Variants in FBXL20 observed in about 807,000 individuals in gnomAD.
FBXL20 encodes F-box/LRR-repeat protein 20.
In FBXL20, 11 loss-of-function variants were observed where a neutral mutation model predicts 64.0. The observed-to-expected ratio is 0.17, with a 90% CI of 0.11 to 0.28. The LOEUF is 0.28. Ranked by LOEUF, FBXL20 falls within the 10% of genes least tolerant of loss-of-function variation. The pLI, the probability that FBXL20 is intolerant of heterozygous loss-of-function variation, is 1.00. For missense variants in FBXL20, 303 were observed against 526.2 expected, an observed-to-expected ratio of 0.58 and a Z score of 4.15; for synonymous variants, 184 against 189.0, an observed-to-expected ratio of 0.97 and a Z score of 0.22.
intron 1 of FBXL20, among the ~76,000 whole-genome samples, chr17:39,384,449 C>T (rs1322129193): frequency 1.3e-5 from 2 of 151,200 alleles, no homozygotes; most frequent in African/African-American, 2.4e-5. Context: ...CGCTTCAACC[C>T]GGGAGGCAGA....
chr17:39,294,166 GGT>G (rs1182558309), intron 6 of FBXL20, among the ~76,000 whole-genome samples: 6 of 151,626 alleles, frequency 4.0e-5, no homozygotes, highest in Non-Finnish European at 8.8e-5. Flanking sequence ...TAAGACATAG[GGT>G]CTCACTATGT....
At chr17:39,394,141 T>A (rs1166969698) in intron 1 of FBXL20, among the ~76,000 whole-genome samples, 1 of 152,142 alleles carries the variant, frequency 6.6e-6, no homozygotes, top group Non-Finnish European at 1.5e-5. Context: ...TGTGCACAAG[T>A]AGCTAAATTT....
chr17:39,362,003 C>T (rs934352867), intron 1 of FBXL20, among the ~76,000 whole-genome samples: 4 of 151,094 alleles, frequency 2.6e-5, no homozygotes, highest in African/African-American at 9.7e-5. Flanking sequence ...AAAAAAATGC[C>T]CTGGCCAGGC....
At chr17:39,274,867 C>T (rs1406569279) in intron 10 of FBXL20, 103 bp downstream of exon 10, 27 of 1,454,212 alleles carry the variant, frequency 1.9e-5, no homozygotes, top group African/African-American at 1.6e-4. Flanking sequence ...AATTTCAAAG[C>T]GTCTGCAGTG....
intron 1 of FBXL20, among the ~76,000 whole-genome samples, chr17:39,351,286 A>G (rs553513073): frequency 6.0e-5 from 9 of 150,764 alleles, no homozygotes; most frequent in African/African-American, 2.0e-4. Context: ...CAGTGAGCTG[A>G]GATCACACCA....
At position 39,319,414 on chromosome 17, in the gene FBXL20, C is replaced by T. The variant is rs190719409; in HGVS notation, c.105-15775G>A. Among the ~76,000 whole-genome samples, 248 of 149,488 alleles carry T rather than the reference C, an allele frequency of 1.7e-3. 3 individuals are homozygous for T. Among genetic ancestry groups the T allele is most frequent in the Non-Finnish European group, 1.1e-3 (71 of 67,142 alleles). The stretch of plus-strand genomic sequence containing the variant: ...TTAAAAAGGATAGCAGGGCTGGGCA[C>T]GGTGGCTCACGCCTGTAATCCCAAC... On this transcript the variant is annotated intron_variant, in intron 2 of 14. Transcript: ENST00000264658.
chr17:39,373,813 T>C (rs16965115), intron 1 of FBXL20, among the ~76,000 whole-genome samples: 15,454 of 152,226 alleles, frequency 0.1, 836 homozygotes, highest in African/African-American at 0.14. Context: ...GATTAACTGA[T>C]TGAAGGGCTA....
chr17:39,335,192 G>T (rs1567885104), intron 2 of FBXL20, among the ~76,000 whole-genome samples: 1 of 152,106 alleles, frequency 6.6e-6, no homozygotes, highest in Non-Finnish European at 1.5e-5. Context: ...TGTAATGCAT[G>T]TCTTAACTGA....
At chr17:39,397,992 G>A (rs2048200385) in intron 1 of FBXL20, among the ~76,000 whole-genome samples, 2 of 149,178 alleles carry the variant, frequency 1.3e-5, no homozygotes, top group South Asian at 2.1e-4. Context: ...AACTAGCCGG[G>A]TGCGGTGGCT....
At chr17:39,355,082 C>A (rs184647610) in intron 1 of FBXL20, among the ~76,000 whole-genome samples, 36 of 152,284 alleles carry the variant, frequency 2.4e-4, no homozygotes, top group African/African-American at 8.7e-4. Flanking sequence ...TAGGCATGCG[C>A]CACCATGCCC....
intron 6 of FBXL20, among the ~76,000 whole-genome samples, chr17:39,287,004 C>T (rs757479397): frequency 6.7e-6 from 1 of 148,880 alleles, no homozygotes; most frequent in Non-Finnish European, 1.5e-5. Context: ...CCTCCGCCTC[C>T]TGGGTTCAAG....
chr17:39,328,447 A>G (rs2047430225), intron 2 of FBXL20, among the ~76,000 whole-genome samples: 1 of 152,132 alleles, frequency 6.6e-6, no homozygotes, highest in South Asian at 2.1e-4. Context: ...TTCAAAGGAC[A>G]AAGGACACAG....
At chr17:39,298,141 G>A (rs1228401087) in intron 5 of FBXL20, among the ~76,000 whole-genome samples, 1 of 151,110 alleles carries the variant, frequency 6.6e-6, no homozygotes, top group East Asian at 2.0e-4. Context: ...TAGAGACAGG[G>A]TCTTCCTCTG....
rs150887152 is a variant in FBXL20 at position 39,285,788 on chromosome 17, T to C, written c.399-215A>G. On this transcript the variant is annotated intron_variant, in intron 6 of 14. Coordinates refer to ENST00000264658, the MANE Select transcript of FBXL20 (RefSeq NM_032875.3). ...AAAAGGCTGTGCTGCATATGAGAAT[T>C]TGAATGAGGGGAAGATGGTGTTTGA... 1.9e-3 allele frequency among the ~76,000 whole-genome samples: 294 copies of C among 152,244 alleles called. 1 individual carries two copies. Among genetic ancestry groups the C allele is most frequent in the African/African-American group, 7.0e-3 (290 of 41,546 alleles).
chr17:39,390,974 C>G (rs1231912904), intron 1 of FBXL20, among the ~76,000 whole-genome samples: 1 of 152,096 alleles, frequency 6.6e-6, no homozygotes, highest in Non-Finnish European at 1.5e-5. Context: ...TGAACCCAGG[C>G]AGAGGTTGCA....
chr17:39,370,989 C>T (rs773998968), intron 1 of FBXL20, among the ~76,000 whole-genome samples: 44 of 152,116 alleles, frequency 2.9e-4, no homozygotes, highest in Non-Finnish European at 4.3e-4. Flanking sequence ...GAGGCTGAGG[C>T]GGGTGGATCA....
At chr17:39,355,859 A>AAAG (rs199737797) in intron 1 of FBXL20, among the ~76,000 whole-genome samples, 7,269 of 145,810 alleles carry the variant, frequency 0.05, 166 homozygotes, top group Non-Finnish European at 0.076. Flanking sequence ...TCGTCTCAAA[A>AAAG]AAAAAAAAAA....
intron 2 of FBXL20, among the ~76,000 whole-genome samples, chr17:39,304,226 TA>T (rs879698201): frequency 2.3e-3 from 333 of 142,692 alleles, no homozygotes; most frequent in East Asian, 2.6e-3. Context: ...TTTTTTAAAG[TA>T]AAAAAAAAAA....
intron 1 of FBXL20, among the ~76,000 whole-genome samples, chr17:39,358,096 T>A (rs1165291010): frequency 1.3e-5 from 2 of 152,056 alleles, no homozygotes; most frequent in Non-Finnish European, 2.9e-5. Context: ...GAACCAGAAG[T>A]GGAGGTGAGG....
Sources: gnomAD v4.1 joint callset for allele counts (sites outside exome capture counted in the v4.1 genomes callset) on GRCh38, gnomAD v4.1.1 for gene constraint, MANE v1.5 for transcripts, NCBI Gene and HGNC (gene_info 2026-07-23, HGNC 2026-07-21) for gene names.